Variants in KIF3B observed in about 807,000 individuals in gnomAD.
KIF3B encodes kinesin-like protein KIF3B.
KIF3B carries 38 observed loss-of-function variants against 74.3 expected under a neutral mutation model. That is an observed-to-expected ratio of 0.51 (90% confidence interval 0.39 to 0.67). The LOEUF is 0.67. Ranked by LOEUF, KIF3B falls within the 30% of genes least tolerant of loss-of-function variation. The pLI, the probability that KIF3B is intolerant of heterozygous loss-of-function variation, is 0.00. For missense variants in KIF3B, 649 were observed against 932.0 expected, an observed-to-expected ratio of 0.70 and a Z score of 3.95; for synonymous variants, 326 against 342.5, an observed-to-expected ratio of 0.95 and a Z score of 0.53.
chr20:32,291,264 T>A (rs75318109), intron 1 of KIF3B, among the ~76,000 whole-genome samples: 1 of 152,192 alleles, frequency 6.6e-6, no homozygotes, highest in Non-Finnish European at 1.5e-5. Context: ...GTGGGGTTTT[T>A]TACTGTAATT....
Position 32,332,808 on chromosome 20 carries a change from A to G in KIF3B, c.*1489A>G. On this transcript the variant is annotated 3_prime_UTR_variant, in exon 9 of 9. Coordinates refer to ENST00000375712, the MANE Select transcript of KIF3B (RefSeq NM_004798.4). Reference sequence around the variant, plus strand: ...TGCCTTTTGTCTGTATTGAAGGCCCATTGAATGACTAATCCAGGCTGGAAG... The same window carrying G: ...TGCCTTTTGTCTGTATTGAAGGCCCGTTGAATGACTAATCCAGGCTGGAAG... 6.5e-6 allele frequency: 1 copy of G among 152,764 alleles called. No homozygotes were observed. 9.5% of individuals were successfully genotyped at this position (152,764 alleles called of 1,614,324 possible).
intron 1 of KIF3B, among the ~76,000 whole-genome samples, chr20:32,301,135 T>A (rs1297740180): frequency 7.1e-6 from 1 of 140,822 alleles, no homozygotes; most frequent in Admixed American, 7.8e-5. Context: ...TCACCCAGGC[T>A]GGAGTGCAGT....
chr20:32,299,568 G>T (rs2047733714), intron 1 of KIF3B, among the ~76,000 whole-genome samples: 1 of 150,582 alleles, frequency 6.6e-6, no homozygotes, highest in Admixed American at 6.6e-5. Flanking sequence ...ATCGCAGCAT[G>T]CCCTGCTAAT....
At chr20:32,296,686 T>C (rs1184032384) in intron 1 of KIF3B, among the ~76,000 whole-genome samples, 1 of 152,240 alleles carries the variant, frequency 6.6e-6, no homozygotes, top group African/African-American at 2.4e-5. Context: ...CCAGTGTTGT[T>C]ATCTGGCAAT....
intron 1 of KIF3B, among the ~76,000 whole-genome samples, chr20:32,293,972 A>G (rs2047705015): frequency 6.6e-6 from 1 of 152,126 alleles, no homozygotes; most frequent in Admixed American, 6.5e-5. Context: ...TGGGCAAATT[A>G]ATTTCCCTGA....
chr20:32,313,255 G>C (rs1415541447), intron 2 of KIF3B, among the ~76,000 whole-genome samples: 1 of 152,148 alleles, frequency 6.6e-6, no homozygotes, highest in Non-Finnish European at 1.5e-5. Flanking sequence ...AGAGTGCAAA[G>C]GTAGACTTGG....
intron 2 of KIF3B, among the ~76,000 whole-genome samples, chr20:32,315,162 G>A (rs2047820942): frequency 6.6e-6 from 1 of 152,126 alleles, no homozygotes; most frequent in Admixed American, 6.6e-5. Flanking sequence ...TCCCATTGCA[G>A]GGGAGTAATG....
chr20:32,300,810 A>G (rs1306120886), intron 1 of KIF3B, among the ~76,000 whole-genome samples: 2 of 151,234 alleles, frequency 1.3e-5, no homozygotes. Context: ...TAGGATATAC[A>G]TAGATAGAGA....
chr20:32,280,209 A>C (rs951036478), intron 1 of KIF3B, among the ~76,000 whole-genome samples: 1 of 152,180 alleles, frequency 6.6e-6, no homozygotes, highest in Non-Finnish European at 1.5e-5. Context: ...AACATTAGCT[A>C]TCGTTATTTG....
chr20:32,307,811 C>T (rs140196465), intron 1 of KIF3B, among the ~76,000 whole-genome samples: 1,725 of 147,694 alleles, frequency 0.012, 40 homozygotes, highest in African/African-American at 0.04. Flanking sequence ...CCCAGTTACT[C>T]GGGAGGCTGA....
Position 32,331,395 on chromosome 20 carries a change from G to A in KIF3B, c.*76G>A, listed in dbSNP as rs1226842270. 3 of 1,213,076 alleles carry A rather than the reference G, an allele frequency of 2.5e-6. No individual in the cohort carries two copies. In the East Asian group the frequency reaches 7.0e-5, roughly 28 times the overall value. The allele number at this position is 1,213,076 out of a possible 1,614,324, so 75.1% of individuals were successfully genotyped here. On this transcript the variant is annotated 3_prime_UTR_variant, in exon 9 of 9. Coordinates refer to ENST00000375712, the MANE Select transcript of KIF3B (RefSeq NM_004798.4). Reference sequence around the variant, plus strand: ...AGAGACTAGCAAAAAGCTGCAGAGAGGATTCGGCCCAAACTCAGAACTGTT... The same window carrying A: ...AGAGACTAGCAAAAAGCTGCAGAGAAGATTCGGCCCAAACTCAGAACTGTT...
chr20:32,303,220 CAATTT>C (rs1248792336), intron 1 of KIF3B, among the ~76,000 whole-genome samples: 9 of 152,216 alleles, frequency 5.9e-5, no homozygotes, highest in South Asian at 2.1e-4. Flanking sequence ...ATTTAGATCT[CAATTT>C]AATCTGAATT....
chr20:32,283,633 A>G (rs574713006), intron 1 of KIF3B, among the ~76,000 whole-genome samples: 222 of 151,820 alleles, frequency 1.5e-3, no homozygotes, highest in African/African-American at 4.6e-3. Flanking sequence ...AACATGGGGA[A>G]ACCCCATCTC....
Position 32,310,962 on chromosome 20 carries a change from G to C in KIF3B, c.1185G>C (p.Glu395Asp). Residue 395 changes from glutamate (E) to aspartate (D), a missense_variant, in exon 2 of 9, where the codon GAG becomes GAC. Glu to Asp is a conservative substitution (Grantham distance 45, BLOSUM62 2). Coordinates refer to ENST00000375712, the MANE Select transcript of KIF3B (RefSeq NM_004798.4). The surrounding 1 kb of genome is among the most constrained non-coding windows in gnomAD (Gnocchi z 6.5). ...GTGGCAGTGGTGGGGGTGGGGAAGAGGAGGAGGAGGAGGGAGAAGAGGGTG... is the reference window on the plus strand; with the variant it reads ...GTGGCAGTGGTGGGGGTGGGGAAGACGAGGAGGAGGAGGGAGAAGAGGGTG... ...EGGGSGGGGE[E>D]EEEEGEEGEE... 1 of 1,451,318 alleles carries C rather than the reference G, an allele frequency of 6.9e-7. No homozygotes were observed. Among genetic ancestry groups the C allele is most frequent in the South Asian group, 1.2e-5 (1 of 84,336 alleles). The allele number at this position is 1,451,318 out of a possible 1,614,324, so 89.9% of individuals were successfully genotyped here.
At chr20:32,301,531 T>G (rs1451521288) in intron 1 of KIF3B, among the ~76,000 whole-genome samples, 2 of 151,512 alleles carry the variant, frequency 1.3e-5, no homozygotes, top group Non-Finnish European at 2.9e-5. Context: ...CGCCCACCAC[T>G]ATGCCCAGCT....
chr20:32,312,359 C>G (rs1487938545), intron 2 of KIF3B, among the ~76,000 whole-genome samples: 4 of 152,076 alleles, frequency 2.6e-5, no homozygotes, highest in African/African-American at 9.7e-5. Flanking sequence ...CCCACCTCCC[C>G]CTCCCAAAGT....
rs935086574 is a variant in KIF3B at position 32,306,581 on chromosome 20, C to CTT, written c.-65-3106_-65-3105dup. Among the ~76,000 whole-genome samples the CTT allele has an allele frequency of 1.6e-3, 134 of 82,870 alleles. 1 individual carries two copies. The highest frequency in any genetic ancestry group is 2.1e-3 in the Non-Finnish European group (97 of 45,610). The allele number at this position is 82,870 out of a possible 152,430, so 54.4% of individuals were successfully genotyped here. ...GAGTATACTGTGAAAAGTTTTTCCT[C>CTT]TTTTTTTTTTTTTTTTTTTTTTTTT... On this transcript the variant is annotated intron_variant, in intron 1 of 8. Coordinates refer to ENST00000375712, the MANE Select transcript of KIF3B (RefSeq NM_004798.4).
Position 32,310,288 on chromosome 20 carries a change from G to C in KIF3B, c.511G>C (p.Asp171His). The C allele has an allele frequency of 6.2e-7, 1 of 1,613,916 alleles. No individual in the cohort carries two copies. Among genetic ancestry groups the C allele is most frequent in the Non-Finnish European group, 8.5e-7 (1 of 1,179,938 alleles). The change falls in exon 2 of 9, where the codon GAC (aspartate) becomes CAC (histidine). Residue 171 changes from aspartate to histidine, a missense_variant. Physicochemically the swap from Asp to His is moderately conservative, Grantham distance 81. Coordinates refer to ENST00000375712, the MANE Select transcript of KIF3B (RefSeq NM_004798.4). This position sits in a 1 kb window ranked among gnomAD's most constrained non-coding sequence, Gnocchi z 6.5. ...AAGGCTTGAGCTCAAAGAGAGGCCTGACACAGGAGTGTATGTGAAAGACCT... is the reference window on the plus strand; with the variant it reads ...AAGGCTTGAGCTCAAAGAGAGGCCTCACACAGGAGTGTATGTGAAAGACCT... ...TKRLELKERP[D>H]TGVYVKDLSS...
chr20:32,299,730 A>C (rs1378283367), intron 1 of KIF3B, among the ~76,000 whole-genome samples: 2 of 151,628 alleles, frequency 1.3e-5, no homozygotes, highest in African/African-American at 4.8e-5. Context: ...TATAATATGA[A>C]TATATCATAT....
Sources: allele counts gnomAD v4.1 joint callset (sites outside exome capture counted in the v4.1 genomes callset), GRCh38; gene constraint gnomAD v4.1.1; non-coding constraint Gnocchi (gnomAD v3.1); transcripts MANE v1.5; gene names NCBI Gene and HGNC (gene_info 2026-07-23, HGNC 2026-07-21).